USP22: variants seen among roughly 807,000 people sequenced by gnomAD.
USP22 encodes ubiquitin carboxyl-terminal hydrolase 22.
In USP22, 22 loss-of-function variants were observed where a neutral mutation model predicts 68.1. The observed-to-expected ratio is 0.32, with a 90% CI of 0.23 to 0.46. The LOEUF (loss-of-function observed/expected upper bound fraction) is 0.46. Among genes scored for constraint, USP22 ranks in the 20% least tolerant of loss-of-function variants. The probability of loss-of-function intolerance (pLI) is 1.00; values close to 1 mark genes in which losing one functional copy is unlikely to be tolerated. For synonymous variants in USP22, 279 were observed against 274.2 expected, an observed-to-expected ratio of 1.02 and a Z score of -0.17; for missense variants, 433 against 695.8, an observed-to-expected ratio of 0.62 and a Z score of 4.25.
At chr17:21,025,194 C>A (rs886299111) in intron 2 of USP22, among the ~76,000 whole-genome samples, 5 of 152,024 alleles carry the variant, frequency 3.3e-5, no homozygotes, top group Non-Finnish European at 5.9e-5. Context: ...AAAAACCAAA[C>A]AACCCAATTT....
rs562446530 is a variant in USP22 at position 21,031,578 on chromosome 17, C to G, written c.172-2904G>C. Among the ~76,000 whole-genome samples the G allele has an allele frequency of 4.9e-3, 726 of 147,006 alleles. 4 individuals are homozygous for G. Among genetic ancestry groups the G allele is most frequent in the African/African-American group, 0.018 (685 of 37,934 alleles). On this transcript the variant is annotated intron_variant, in intron 1 of 12. Transcript: ENST00000261497. ...ACAACCTAGGACTGTGCTACACACT[C>G]CATTATAGTCTCTCTCTACTACACA... is the stretch of plus-strand genomic sequence containing the variant.
At chr17:21,006,865 G>A (rs767793031) in intron 10 of USP22, 31 bp downstream of exon 10, 1 of 1,543,242 alleles carries the variant, frequency 6.5e-7, no homozygotes, top group Non-Finnish European at 8.8e-7. Flanking sequence ...CAGCCCCTCA[G>A]GACACAGAAC....
chr17:21,031,130 T>C (rs1972285149), intron 1 of USP22, among the ~76,000 whole-genome samples: 1 of 152,224 alleles, frequency 6.6e-6, no homozygotes. Context: ...TCCAAATAAA[T>C]GGATAGAAGA....
At chr17:21,008,025 G>A (rs1204862091) in intron 8 of USP22, 29 bp from the exon 9 acceptor site, 2 of 1,607,328 alleles carry the variant, frequency 1.2e-6, no homozygotes, top group Admixed American at 1.7e-5. Flanking sequence ...GACAGGAGCG[G>A]TAAGGGAGAT....
chr17:21,004,024 C>G (rs1431524943), intron 12 of USP22, among the ~76,000 whole-genome samples, 178 bp downstream of exon 12: 1 of 152,156 alleles, frequency 6.6e-6, no homozygotes, highest in East Asian at 1.9e-4. Context: ...GGCACCTCTT[C>G]TCCCACCTGA....
At chr17:21,008,217 C>T (rs1231036447) in intron 8 of USP22, among the ~76,000 whole-genome samples, 1 of 152,140 alleles carries the variant, frequency 6.6e-6, no homozygotes, top group Admixed American at 6.5e-5. Context: ...CAGGAAAGGC[C>T]TGGGGAAATG....
upstream of USP22, chr17:21,043,201 C>A (rs1023190135): frequency 3.4e-4 from 56 of 165,230 alleles, no homozygotes; most frequent in Non-Finnish European, 1.4e-4. Flanking sequence ...CACTCGCGCG[C>A]CCGTTAGGCT....
In USP22 at chr17:21,020,429, T is replaced by TCACAAGAC. The variant is rs373415425; in HGVS notation, c.418+683_418+684insGTCTTGTG. On this transcript the variant is annotated intron_variant, in intron 3 of 12. Coordinates refer to ENST00000261497, the MANE Select transcript of USP22 (RefSeq NM_015276.2). ...CTGGTGCGAGAGCCGTGAGGGCAGC[T>TCACAAGAC]CACAAGATGGCAAGGATCTGACTGT... Among the ~76,000 whole-genome samples the TCACAAGAC allele has an allele frequency of 8.5e-3, 1,296 of 152,186 alleles. 25 individuals carry two copies. Among genetic ancestry groups the TCACAAGAC allele is most frequent in the African/African-American group, 0.029 (1,198 of 41,490 alleles).
intron 10 of USP22, among the ~76,000 whole-genome samples, chr17:21,005,700 C>T (rs1203712699): frequency 2.0e-5 from 3 of 152,264 alleles, no homozygotes; most frequent in South Asian, 4.1e-4. Flanking sequence ...AGGAAGAGGC[C>T]GCTAACTACC....
intron 1 of USP22, among the ~76,000 whole-genome samples, chr17:21,029,804 T>G (rs1459440290): frequency 1.3e-5 from 2 of 152,236 alleles, no homozygotes; most frequent in African/African-American, 4.8e-5. Flanking sequence ...TCACGTATTC[T>G]ATGAGTCTAT....
At chr17:21,036,523 G>GA (rs1180706228) in intron 1 of USP22, among the ~76,000 whole-genome samples, 1 of 143,946 alleles carries the variant, frequency 6.9e-6, no homozygotes, top group East Asian at 2.2e-4. Flanking sequence ...TACTGTAAGG[G>GA]GGGGGGGGGT....
intron 1 of USP22, among the ~76,000 whole-genome samples, chr17:21,034,540 C>T (rs1303822875): frequency 4.6e-5 from 7 of 152,152 alleles, no homozygotes; most frequent in East Asian, 1.9e-4. Flanking sequence ...TTAAACTGCC[C>T]GCCGTTCTGA....
chr17:21,005,744 G>A lies in USP22; in HGVS notation c.1323-754C>T, dbSNP rs117509155. Among the ~76,000 whole-genome samples the A allele has an allele frequency of 7.2e-5, 11 of 152,344 alleles. No individual in the cohort carries two copies. In the East Asian group the frequency reaches 2.1e-3, roughly 29 times the overall value. On this transcript the variant is annotated intron_variant, in intron 10 of 12. Coordinates refer to ENST00000261497, the MANE Select transcript of USP22 (RefSeq NM_015276.2). ...ACATGCTTTCCACGGTGCTGGGGCTGGGACTGTGGCCACCAAAAAATAACA... is the reference window on the plus strand; with the variant it reads ...ACATGCTTTCCACGGTGCTGGGGCTAGGACTGTGGCCACCAAAAAATAACA...
intron 3 of USP22, among the ~76,000 whole-genome samples, chr17:21,020,475 C>G (rs988954854): frequency 1.3e-5 from 2 of 152,142 alleles, no homozygotes; most frequent in African/African-American, 4.8e-5. Flanking sequence ...TGCTGGGAGA[C>G]TCTCCTAGTT....
chr17:21,004,355 G>C lies in USP22; in HGVS notation c.1386-4C>G. 1 of 1,613,932 alleles carries C rather than the reference G, an allele frequency of 6.2e-7. No individual in the cohort carries two copies. Among genetic ancestry groups the C allele is most frequent in the East Asian group, 2.2e-5 (1 of 44,876 alleles). On this transcript the variant is annotated splice_polypyrimidine_tract_variant and splice_region_variant and intron_variant, in intron 11 of 12. Coordinates refer to ENST00000261497, the MANE Select transcript of USP22 (RefSeq NM_015276.2). ...AACAACAGCAAACAGGGAATACCTA[G>C]TGCAGGAGCAAAGGAGAGGGAGGGC...
chr17:21,005,088 C>G (rs560208360), intron 10 of USP22, 98 bp from the exon 11 acceptor site: 1 of 1,363,402 alleles, frequency 7.3e-7, no homozygotes, highest in African/African-American at 1.4e-5. Flanking sequence ...CTTGACCATG[C>G]AGATGCTGCA....
At chr17:21,038,872 A>G (rs1567594674) in intron 1 of USP22, among the ~76,000 whole-genome samples, 1 of 152,196 alleles carries the variant, frequency 6.6e-6, no homozygotes, top group African/African-American at 2.4e-5. Flanking sequence ...CTGAAATGGT[A>G]AGAAATTTGT....
At position 21,039,629 on chromosome 17, in the gene USP22, G is replaced by A. The variant is rs7224561; in HGVS notation, c.171+3036C>T. Among the ~76,000 whole-genome samples, 1,309 of 152,254 alleles carry A rather than the reference G, an allele frequency of 8.6e-3. 25 individuals are homozygous for A. The highest frequency in any genetic ancestry group is 0.029 in the African/African-American group (1,210 of 41,548). On this transcript the variant is annotated intron_variant, in intron 1 of 12. Coordinates refer to ENST00000261497, the MANE Select transcript of USP22 (RefSeq NM_015276.2). ...ACAGAAATTTATCAAGCCTGGTCAT[G>A]TTTTTGTCATGTTCTGCCTGTTAAA...
intron 4 of USP22, among the ~76,000 whole-genome samples, 154 bp downstream of exon 4, chr17:21,018,930 C>A (rs565484638): frequency 2.0e-5 from 3 of 152,342 alleles, no homozygotes; most frequent in Admixed American, 1.3e-4. Context: ...CTGCAGAGAA[C>A]AGGTGCTCAA....
Sources: gnomAD v4.1 joint callset for allele counts (sites outside exome capture counted in the v4.1 genomes callset) on GRCh38, gnomAD v4.1.1 for gene constraint, MANE v1.5 for transcripts, NCBI Gene and HGNC (gene_info 2026-07-23, HGNC 2026-07-21) for gene names.